The following NRCAM variants were observed in gnomAD, a reference collection of about 807,000 sequenced individuals.
NRCAM encodes the protein neuronal cell adhesion molecule, also known as NgCAM-related cell adhesion molecule.
Under a neutral mutation model 156.5 loss-of-function variants are expected in NRCAM, and 83 were observed. The observed-to-expected ratio is 0.53, with a 90% CI of 0.44 to 0.64. The LOEUF is 0.64. Among genes scored for constraint, NRCAM ranks in the 30% least tolerant of loss-of-function variants. NRCAM has a pLI of 0.00. For synonymous variants in NRCAM, 538 were observed against 563.9 expected, an observed-to-expected ratio of 0.95 and a Z score of 0.65; for missense variants, 1,417 against 1,597.3, an observed-to-expected ratio of 0.89 and a Z score of 1.92.
chr7:108,395,625 A>G (rs1389267964), intron 2 of NRCAM, among the ~76,000 whole-genome samples: 1 of 152,216 alleles, frequency 6.6e-6, no homozygotes, highest in African/African-American at 2.4e-5. Context: ...GAGTTTTCCC[A>G]TACAACCCTC....
intron 3 of NRCAM, among the ~76,000 whole-genome samples, chr7:108,265,121 G>A (rs987551043): frequency 9.2e-5 from 14 of 152,180 alleles, no homozygotes; most frequent in African/African-American, 2.9e-4. Flanking sequence ...GCTCATACAG[G>A]GCTTTGGGAG....
At chr7:108,178,442 G>C in intron 25 of NRCAM, 1 of 385,668 alleles carries the variant, frequency 2.6e-6, no homozygotes, top group Non-Finnish European at 5.0e-6. Context: ...AAGCAAACTA[G>C]CTACCAAGTG....
At chr7:108,445,652 A>G (rs1228450963) in intron 1 of NRCAM, among the ~76,000 whole-genome samples, 1 of 152,094 alleles carries the variant, frequency 6.6e-6, no homozygotes, top group South Asian at 2.1e-4. Context: ...TCTATTTTCT[A>G]AATAAAGAAA....
At chr7:108,274,163 T>C (rs2097495551) in intron 3 of NRCAM, among the ~76,000 whole-genome samples, 1 of 152,206 alleles carries the variant, frequency 6.6e-6, no homozygotes, top group African/African-American at 2.4e-5. Flanking sequence ...TAGTTTGAAG[T>C]CAGGTAGCGT....
intron 25 of NRCAM, among the ~76,000 whole-genome samples, chr7:108,179,548 T>C (rs2153266182): frequency 6.6e-6 from 1 of 152,122 alleles, no homozygotes; most frequent in East Asian, 1.9e-4. Context: ...TCATCCTTTT[T>C]ACTACATGGG....
chr7:108,201,169 A>T (rs1332962369), intron 13 of NRCAM, among the ~76,000 whole-genome samples: 1 of 143,162 alleles, frequency 7.0e-6, no homozygotes. Flanking sequence ...TAAATTTTTA[A>T]GGTCGGTAAA....
intron 8 of NRCAM, among the ~76,000 whole-genome samples, chr7:108,227,168 T>C (rs1423869241): frequency 6.6e-6 from 1 of 152,228 alleles, no homozygotes; most frequent in Admixed American, 6.5e-5. Flanking sequence ...GAACAGTGCC[T>C]GGCCCTTCAC....
intron 2 of NRCAM, among the ~76,000 whole-genome samples, chr7:108,392,043 T>C (rs932120849): frequency 1.3e-5 from 2 of 152,220 alleles, no homozygotes; most frequent in Admixed American, 6.5e-5. Flanking sequence ...AATCTGACAA[T>C]TATGTGTCTT....
chr7:108,405,935 A>G (rs1256625078), intron 1 of NRCAM, among the ~76,000 whole-genome samples: 4 of 150,820 alleles, frequency 2.7e-5, no homozygotes, highest in African/African-American at 9.8e-5. Context: ...CCTGGGCAAC[A>G]TAGTGAGAAT....
intron 3 of NRCAM, among the ~76,000 whole-genome samples, chr7:108,254,347 C>T (rs1210861422): frequency 6.6e-6 from 1 of 152,038 alleles, no homozygotes; most frequent in African/African-American, 2.4e-5. Flanking sequence ...ATCTAACAAG[C>T]ACATGAAAAG....
At chr7:108,454,952 G>C (rs1189072515) in intron 1 of NRCAM, among the ~76,000 whole-genome samples, 1 of 152,262 alleles carries the variant, frequency 6.6e-6, no homozygotes, top group Non-Finnish European at 1.5e-5. Flanking sequence ...AAGGGAAGGA[G>C]AGAGGCGGGG....
intron 19 of NRCAM, 125 bp from the exon 20 acceptor site, chr7:108,189,871 G>A (rs1317704210): frequency 1.8e-6 from 1 of 555,410 alleles, no homozygotes; most frequent in Non-Finnish European, 3.2e-6. Context: ...CAATGAGCAT[G>A]CAACTGAAAG....
intron 1 of NRCAM, among the ~76,000 whole-genome samples, chr7:108,449,950 T>C (rs940458595): frequency 6.6e-6 from 1 of 151,934 alleles, no homozygotes; most frequent in Non-Finnish European, 1.5e-5. Context: ...CAACACACTA[T>C]GCACATAATA....
intron 13 of NRCAM, among the ~76,000 whole-genome samples, chr7:108,201,019 T>C (rs553424227): frequency 2.6e-5 from 4 of 152,124 alleles, no homozygotes; most frequent in African/African-American, 7.2e-5. Context: ...TAAAAGACTA[T>C]ATATTGGGTA....
At position 108,291,806 on chromosome 7, in the gene NRCAM, T is replaced by TA. The variant is rs573449018; in HGVS notation, c.-107+20858dup. 1.2e-3 allele frequency among the ~76,000 whole-genome samples: 176 copies of TA among 152,084 alleles called. 1 individual carries two copies. The highest frequency in any genetic ancestry group is 4.0e-3 in the African/African-American group (167 of 41,510). On this transcript the variant is annotated intron_variant, in intron 3 of 32. Transcript: ENST00000379028. ...GACTATAATCTTAAACTAAAACATT[T>TA]AAAAAAAGGATCTGAAATCTAAATG...
chr7:108,429,318 A>T (rs997126771), intron 1 of NRCAM, among the ~76,000 whole-genome samples: 3 of 152,070 alleles, frequency 2.0e-5, no homozygotes, highest in African/African-American at 7.2e-5. Flanking sequence ...CAGCCTCCTG[A>T]GTAGCTGGGA....
intron 28 of NRCAM, among the ~76,000 whole-genome samples, chr7:108,171,351 G>A (rs758179791): frequency 6.6e-6 from 1 of 152,140 alleles, no homozygotes; most frequent in African/African-American, 2.4e-5. Flanking sequence ...AAGCATTCAT[G>A]GCCCTTCAGA....
chr7:108,325,603 C>T (rs921072229), intron 2 of NRCAM, among the ~76,000 whole-genome samples: 20 of 152,032 alleles, frequency 1.3e-4, no homozygotes, highest in African/African-American at 4.8e-4. Flanking sequence ...TGCCCCACCT[C>T]CATTCTCTGC....
At chr7:108,385,931 G>A (rs1473056897) in intron 2 of NRCAM, among the ~76,000 whole-genome samples, 3 of 151,572 alleles carry the variant, frequency 2.0e-5, no homozygotes, top group African/African-American at 7.3e-5. Flanking sequence ...GGGAGGGAGA[G>A]AGGGAAAGAG....
Sources: gnomAD v4.1 joint callset for allele counts (sites outside exome capture counted in the v4.1 genomes callset) on GRCh38, gnomAD v4.1.1 for gene constraint, MANE v1.5 for transcripts, NCBI Gene and HGNC (gene_info 2026-07-23, HGNC 2026-07-21) for gene names.